PELI2: variants seen among roughly 807,000 people sequenced by gnomAD.
The protein encoded by PELI2 is pellino E3 ubiquitin protein ligase family member 2, also known as E3 ubiquitin-protein ligase pellino homolog 2.
A neutral mutation model predicts 42.3 loss-of-function variants in PELI2; 23 were observed. The observed-to-expected ratio is 0.54, with a 90% CI of 0.39 to 0.77. PELI2 has a LOEUF of 0.77. Ranked by LOEUF, PELI2 falls within the 30% of genes least tolerant of loss-of-function variation. The pLI is 0.00. For missense variants in PELI2, 463 were observed against 553.2 expected (o/e 0.84, Z 1.64); for synonymous variants, 245 against 212.2 (o/e 1.15, Z -1.34).
chr14:56,283,265 C>A (rs1181255390), intron 3 of PELI2, among the ~76,000 whole-genome samples: 1 of 152,164 alleles, frequency 6.6e-6, no homozygotes, highest in Non-Finnish European at 1.5e-5. Context: ...CTTCTGAGTA[C>A]TTTATGCATA....
intron 1 of PELI2, chr14:56,119,605 C>G (rs556531893): frequency 5.3e-6 from 1 of 187,546 alleles, no homozygotes; most frequent in Non-Finnish European, 1.0e-5. Context: ...TCATCTACTT[C>G]CTGAGTTTCC....
intron 1 of PELI2, among the ~76,000 whole-genome samples, chr14:56,137,156 T>C (rs1034476822): frequency 6.6e-6 from 1 of 151,876 alleles, no homozygotes; most frequent in African/African-American, 2.4e-5. Context: ...GTAACCTCTT[T>C]CAGAAAGTTT....
intron 1 of PELI2, among the ~76,000 whole-genome samples, chr14:56,174,329 C>T (rs1349148876): frequency 1.3e-5 from 2 of 152,228 alleles, no homozygotes; most frequent in Non-Finnish European, 2.9e-5. Flanking sequence ...TCTTCCAGTT[C>T]CTCCTGCACT....
chr14:56,281,300 A>G (rs1889474204), intron 3 of PELI2, among the ~76,000 whole-genome samples: 2 of 152,196 alleles, frequency 1.3e-5, no homozygotes, highest in Admixed American at 6.5e-5. Context: ...TGATTACAGT[A>G]TGGTGCATTT....
chr14:56,241,539 C>T (rs907767876), intron 2 of PELI2, among the ~76,000 whole-genome samples: 3 of 152,130 alleles, frequency 2.0e-5, no homozygotes, highest in African/African-American at 7.2e-5. Context: ...GTCCAGTGCA[C>T]TAGAGGCACA....
chr14:56,191,506 G>A (rs998792336), intron 2 of PELI2, among the ~76,000 whole-genome samples: 8 of 152,216 alleles, frequency 5.3e-5, no homozygotes, highest in African/African-American at 1.9e-4. Flanking sequence ...AACTGCTGTG[G>A]AAGGGTTGCC....
intron 1 of PELI2, among the ~76,000 whole-genome samples, chr14:56,141,526 G>A (rs932838110): frequency 1.3e-5 from 2 of 152,210 alleles, no homozygotes; most frequent in African/African-American, 4.8e-5. Context: ...TGGCTATGAA[G>A]AAATACCTGA....
chr14:56,118,995 G>T, intron 1 of PELI2: 1 of 210,238 alleles, frequency 4.8e-6, no homozygotes, highest in Non-Finnish European at 9.3e-6. Flanking sequence ...GAACTCGGGC[G>T]ACCCAGCGGG....
At chr14:56,271,707 G>A (rs912125747) in intron 2 of PELI2, among the ~76,000 whole-genome samples, 6 of 152,156 alleles carry the variant, frequency 3.9e-5, no homozygotes, top group African/African-American at 9.7e-5. Context: ...CGTACATTAC[G>A]TTTCTTGGTA....
At chr14:56,235,996 T>G (rs1887779802) in intron 2 of PELI2, among the ~76,000 whole-genome samples, 1 of 152,242 alleles carries the variant, frequency 6.6e-6, no homozygotes, top group Non-Finnish European at 1.5e-5. Context: ...TGACATTTTC[T>G]TTTGTTTCTC....
chr14:56,299,257 C>T lies in PELI2; in HGVS notation c.*2091C>T, dbSNP rs566657765. 2 of 152,296 alleles carry T rather than the reference C, an allele frequency of 1.3e-5. No homozygotes were observed. The highest frequency in any genetic ancestry group is 3.9e-4 in the East Asian group (2 of 5,182). The allele number at this position is 152,296 out of a possible 1,614,324, so 9.4% of individuals were successfully genotyped here. ...TTAGGTATATCATAATTTTCCATTT[C>T]AAGTCCTGTTTATAAGTCTAGTCAT... On this transcript the variant is annotated 3_prime_UTR_variant, in exon 6 of 6. Transcript: ENST00000267460.
intron 2 of PELI2, among the ~76,000 whole-genome samples, chr14:56,274,662 A>T (rs1889226622): frequency 6.6e-6 from 1 of 152,328 alleles, no homozygotes; most frequent in South Asian, 2.1e-4. Context: ...TTGAGTTGTA[A>T]GTTGAAGCAG....
At chr14:56,238,356 G>A (rs5008737) in intron 2 of PELI2, among the ~76,000 whole-genome samples, 61,100 of 151,760 alleles carry the variant, frequency 0.4, 12,962 homozygotes, top group South Asian at 0.53. Context: ...TTGCTGTTTC[G>A]TATTAACTGC....
At chr14:56,230,730 G>A (rs1308881754) in intron 2 of PELI2, among the ~76,000 whole-genome samples, 1 of 152,116 alleles carries the variant, frequency 6.6e-6, no homozygotes, top group African/African-American at 2.4e-5. Context: ...ACAATGACAG[G>A]ATCAAATTCA....
intron 3 of PELI2, among the ~76,000 whole-genome samples, chr14:56,287,017 C>T (rs1889667692): frequency 6.6e-6 from 1 of 152,200 alleles, no homozygotes; most frequent in South Asian, 2.1e-4. Flanking sequence ...CAGAATGTGG[C>T]CCTTCTAGAA....
chr14:56,136,711 A>G (rs554527928), intron 1 of PELI2, among the ~76,000 whole-genome samples: 2 of 152,278 alleles, frequency 1.3e-5, no homozygotes, highest in African/African-American at 2.4e-5. Flanking sequence ...GACTCCTGCC[A>G]TGGGTCTCAC....
intron 2 of PELI2, among the ~76,000 whole-genome samples, chr14:56,190,405 A>C (rs761551833): frequency 2.6e-5 from 4 of 152,220 alleles, no homozygotes; most frequent in Non-Finnish European, 4.4e-5. Context: ...TTTTCTTTAA[A>C]GTACACAAAA....
At chr14:56,253,183 G>A (rs1888404778) in intron 2 of PELI2, among the ~76,000 whole-genome samples, 1 of 152,100 alleles carries the variant, frequency 6.6e-6, no homozygotes, top group South Asian at 2.1e-4. Flanking sequence ...AATAAACTAG[G>A]TATTGATGGA....
intron 2 of PELI2, among the ~76,000 whole-genome samples, chr14:56,204,481 T>C (rs1886444515): frequency 6.6e-6 from 1 of 152,128 alleles, no homozygotes; most frequent in South Asian, 2.1e-4. Flanking sequence ...CCATGGTCTT[T>C]TTCTTGGAGG....
Sources: gnomAD v4.1 joint callset for allele counts (sites outside exome capture counted in the v4.1 genomes callset) on GRCh38, gnomAD v4.1.1 for gene constraint, MANE v1.5 for transcripts, NCBI Gene and HGNC (gene_info 2026-07-23, HGNC 2026-07-21) for gene names.